Variants in MEGF8 observed in about 807,000 individuals in gnomAD.
The protein encoded by MEGF8 is multiple epidermal growth factor-like domains protein 8.
Under a neutral mutation model 302.9 loss-of-function variants are expected in MEGF8, and 156 were observed. The observed-to-expected ratio is 0.52, with a 90% CI of 0.45 to 0.59. The LOEUF (loss-of-function observed/expected upper bound fraction) is 0.59. Among genes scored for constraint, MEGF8 ranks in the 20% least tolerant of loss-of-function variants. The pLI, the probability that MEGF8 is intolerant of heterozygous loss-of-function variation, is 0.00. For missense variants in MEGF8, 3,345 were observed against 3,964.5 expected (o/e 0.84, Z 4.20); for synonymous variants, 1,621 against 1,660.5 (o/e 0.98, Z 0.58).
At chr19:42,362,862 G>C (rs2039552659) in intron 34 of MEGF8, among the ~76,000 whole-genome samples, 186 bp from the exon 35 acceptor site, 2 of 146,910 alleles carry the variant, frequency 1.4e-5, no homozygotes, top group South Asian at 4.4e-4. Flanking sequence ...TGGGGGCCTG[G>C]ACTCCTGGGT....
In MEGF8 at chr19:42,334,910, C is replaced by T. The variant is rs1214681525; in HGVS notation, c.559-125C>T. 4.4e-6 allele frequency: 4 copies of T among 916,592 alleles called. No individual in the cohort carries two copies. The African/African-American group carries it at 6.7e-5, about 15-fold the overall frequency. 56.8% of individuals were successfully genotyped at this position (916,592 alleles called of 1,614,324 possible). On this transcript the variant is annotated intron_variant, in intron 3 of 41. Coordinates refer to ENST00000251268, the MANE Select transcript of MEGF8 (RefSeq NM_001271938.2). ...TTCCATCCTCTCCCTTCCTGTCTGT[C>T]TCTTTCTCTCTCCCTTTGTGCCCTG...
intron 12 of MEGF8, among the ~76,000 whole-genome samples, chr19:42,347,586 G>T (rs890200065): frequency 6.6e-6 from 1 of 151,938 alleles, no homozygotes; most frequent in Non-Finnish European, 1.5e-5. Context: ...TCTGCCTCCC[G>T]GGTTTGAACG....
rs533625595 is a variant in MEGF8 at position 42,358,548 on chromosome 19, T to G, written c.5176-239T>G. On this transcript the variant is annotated intron_variant, in intron 29 of 41. Coordinates refer to ENST00000251268, the MANE Select transcript of MEGF8 (RefSeq NM_001271938.2). The surrounding 1 kb of genome is among the most constrained non-coding windows in gnomAD (Gnocchi z 4.4). ...TCTCCCCTGAGTCTTGGTGCGGCCC[T>G]GGCAGGCCCCTTCCCCGTCCTGGGT... Among the ~76,000 whole-genome samples, 1 of 152,318 alleles carries G rather than the reference T, an allele frequency of 6.6e-6. No homozygotes were observed. Among genetic ancestry groups the G allele is most frequent in the South Asian group, 2.1e-4 (1 of 4,834 alleles).
rs766680466 is a variant in MEGF8 at position 42,375,767 on chromosome 19, C to T, written c.7530C>T (p.Thr2510=). The T allele has an allele frequency of 9.9e-6, 16 of 1,613,068 alleles. No individual in the cohort carries two copies. The highest frequency in any genetic ancestry group is 1.4e-5 in the Non-Finnish European group (16 of 1,179,814). ...TCTATGTCTCCACCTCCTATGACACCTTCGTGGTCCGTGTGGCCCCTGACA... is the reference window on the plus strand; with the variant it reads ...TCTATGTCTCCACCTCCTATGACACTTTCGTGGTCCGTGTGGCCCCTGACA... ...VDLYVSTSYD[T]FVVRVAPDTG... The change falls in exon 42 of 42, where the codon ACC becomes ACT. Residue 2510 remains threonine, a synonymous_variant. Transcript: ENST00000251268. This position sits in a 1 kb window ranked among gnomAD's most constrained non-coding sequence, Gnocchi z 7.1.
At position 42,370,846 on chromosome 19, in the gene MEGF8, G is replaced by GT; in HGVS notation, c.7136+15_7136+16insT. 2 of 105,024 alleles carry GT rather than the reference G, an allele frequency of 1.9e-5. No individual in the cohort carries two copies. The highest frequency in any genetic ancestry group is 1.1e-4 in the South Asian group (2 of 18,204). The allele number at this position is 105,024 out of a possible 1,614,324, so 6.5% of individuals were successfully genotyped here. A position where few individuals can be genotyped will look rare whatever the true frequency, so the allele number is the denominator to read the frequency against. ...AAGTGCACCAAGTAAGAGGAACCGG[G>GT]GGGGGGGGGGGGGGGGGGGGGGGGG... On this transcript the variant is annotated intron_variant, in intron 40 of 41. Coordinates refer to ENST00000251268, the MANE Select transcript of MEGF8 (RefSeq NM_001271938.2).
Position 42,356,331 on chromosome 19 carries a change from C to G in MEGF8, c.4504-4C>G, listed in dbSNP as rs1161484099. Reference sequence around the variant, plus strand: ...TGATCCCCAATGTCCGCACCCACCCCTAGGACACTGCCAGCCGCTTCCTGC... The same window carrying G: ...TGATCCCCAATGTCCGCACCCACCCGTAGGACACTGCCAGCCGCTTCCTGC... On this transcript the variant is annotated splice_region_variant and splice_polypyrimidine_tract_variant and intron_variant, in intron 25 of 41. Transcript: ENST00000251268. This position sits in a 1 kb window ranked among gnomAD's most constrained non-coding sequence, Gnocchi z 5.2. The G allele has an allele frequency of 6.2e-7, 1 of 1,610,690 alleles. No homozygotes were observed. The highest frequency in any genetic ancestry group is 8.5e-7 in the Non-Finnish European group (1 of 1,178,860).
intron 2 of MEGF8, 103 bp downstream of exon 2, chr19:42,333,871 A>T: frequency 6.5e-7 from 1 of 1,543,326 alleles, no homozygotes; most frequent in Non-Finnish European, 8.8e-7. Context: ...GCACAGGGAC[A>T]AGGGAAGGTG....
At chr19:42,370,127 C>T in intron 38 of MEGF8, 62 bp from the exon 39 acceptor site, 1 of 1,538,046 alleles carries the variant, frequency 6.5e-7, no homozygotes, top group Non-Finnish European at 8.7e-7. Context: ...CCTGTGCCCC[C>T]AACGCCCTCC....
chr19:42,363,216 C>A lies in MEGF8; in HGVS notation c.6227C>A (p.Ala2076Glu). 6.2e-7 allele frequency: 1 copy of A among 1,610,542 alleles called. No individual in the cohort carries two copies. The highest frequency in any genetic ancestry group is 8.5e-7 in the Non-Finnish European group (1 of 1,178,568). ...ACCTCCTGCCTGGACTCTAAGGGAG[C>A]AGATGGGGGCTGGCAGCACTGTGTT... ...NCTSCLDSKG[A>E]DGGWQHCVWS... is the part of the protein sequence containing the mutation. The change falls in exon 35 of 42, where the codon GCA (alanine) becomes GAA (glutamate). Residue 2076 changes from alanine (A) to glutamate (E), a missense_variant. Transcript: ENST00000251268.
At chr19:42,365,324 G>T (rs1019265474) in intron 35 of MEGF8, among the ~76,000 whole-genome samples, 3 of 152,114 alleles carry the variant, frequency 2.0e-5, no homozygotes, top group African/African-American at 7.2e-5. Flanking sequence ...AGATGGGGGA[G>T]TGGCCAGGAG....
At chr19:42,362,915 G>C in intron 34 of MEGF8, 133 bp from the exon 35 acceptor site, 1 of 808,478 alleles carries the variant, frequency 1.2e-6, no homozygotes, top group Non-Finnish European at 2.0e-6. Context: ...TGGGTCTGAG[G>C]GAGGAGGGGC....
In MEGF8 at chr19:42,368,777, G is replaced by C. The variant is rs2039643620; in HGVS notation, c.6482-66G>C. 1.3e-6 allele frequency: 2 copies of C among 1,574,868 alleles called. No individual in the cohort carries two copies. Among genetic ancestry groups the C allele is most frequent in the Non-Finnish European group, 1.7e-6 (2 of 1,159,612 alleles). On this transcript the variant is annotated intron_variant, in intron 36 of 41. Transcript: ENST00000251268. This position sits in a 1 kb window ranked among gnomAD's most constrained non-coding sequence, Gnocchi z 4.9. ...GGTGGGGCTCAGAGGAGGCAGGAGG[G>C]AGGGCCTAGGCAACTGGGGCAGGTG...
intron 33 of MEGF8, 33 bp downstream of exon 33, chr19:42,362,246 G>C: frequency 6.2e-7 from 1 of 1,609,760 alleles, no homozygotes; most frequent in African/African-American, 1.3e-5. Flanking sequence ...ATGAGAAGCA[G>C]CAGGTGTAGG....
chr19:42,334,413 G>A (rs1366922867), intron 3 of MEGF8, among the ~76,000 whole-genome samples, 200 bp downstream of exon 3: 1 of 151,410 alleles, frequency 6.6e-6, no homozygotes, highest in Non-Finnish European at 1.5e-5. Flanking sequence ...CACCTGCAGG[G>A]CCTCCCCTGC....
chr19:42,358,382 C>T lies in MEGF8; in HGVS notation c.5175+75C>T. On this transcript the variant is annotated intron_variant, in intron 29 of 41. Coordinates refer to ENST00000251268, the MANE Select transcript of MEGF8 (RefSeq NM_001271938.2). This position sits in a 1 kb window ranked among gnomAD's most constrained non-coding sequence, Gnocchi z 4.4. ...GTCCTCTTTCCCAGTGCCCCAGGGACTGGCTCCATCCCAGATTCCTGCTTC... is the reference window on the plus strand; with the variant it reads ...GTCCTCTTTCCCAGTGCCCCAGGGATTGGCTCCATCCCAGATTCCTGCTTC... 6.7e-7 allele frequency: 1 copy of T among 1,487,030 alleles called. No homozygotes were observed. The highest frequency in any genetic ancestry group is 9.0e-7 in the Non-Finnish European group (1 of 1,116,380). 92.1% of individuals were successfully genotyped at this position (1,487,030 alleles called of 1,614,324 possible). A position where few individuals can be genotyped will look rare whatever the true frequency, so the allele number is the denominator to read the frequency against.
At chr19:42,328,749 G>A (rs1474500232) in intron 1 of MEGF8, among the ~76,000 whole-genome samples, 1 of 151,822 alleles carries the variant, frequency 6.6e-6, no homozygotes, top group Non-Finnish European at 1.5e-5. Context: ...CAGCCTGGCC[G>A]ACATGAAGAA....
In MEGF8 at chr19:42,351,718, G is replaced by A. The variant is rs913793350; in HGVS notation, c.3058G>A (p.Glu1020Lys). 6.3e-7 allele frequency: 1 copy of A among 1,594,560 alleles called. No homozygotes were observed. Among genetic ancestry groups the A allele is most frequent in the Non-Finnish European group, 8.5e-7 (1 of 1,171,000 alleles). The change falls in exon 18 of 42, where the codon GAG becomes AAG. Residue 1020 changes from glutamate (E) to lysine (K), a missense_variant. By Grantham distance (56) the Glu-to-Lys change is moderately conservative. Coordinates refer to ENST00000251268, the MANE Select transcript of MEGF8 (RefSeq NM_001271938.2). The surrounding 1 kb of genome is among the most constrained non-coding windows in gnomAD (Gnocchi z 5.6). Reference protein sequence around the residue: ...LTCHECLQSHECGWCGNEDNP... With the variant: ...LTCHECLQSHKCGWCGNEDNP... ...CTGCCATGAGTGTCTGCAGAGCCAC[G>A]AGTGTGGCTGGTGTGGCAATGAGGA...
chr19:42,336,397 C>T lies in MEGF8; in HGVS notation c.1244+51C>T. The T allele has an allele frequency of 2.7e-6, 4 of 1,502,726 alleles. No individual in the cohort carries two copies. The highest frequency in any genetic ancestry group is 3.6e-6 in the Non-Finnish European group (4 of 1,125,574). The allele number at this position is 1,502,726 out of a possible 1,614,324, so 93.1% of individuals were successfully genotyped here. A position where few individuals can be genotyped will look rare whatever the true frequency, so the allele number is the denominator to read the frequency against. On this transcript the variant is annotated intron_variant, in intron 6 of 41. Coordinates refer to ENST00000251268, the MANE Select transcript of MEGF8 (RefSeq NM_001271938.2). The surrounding 1 kb of genome is among the most constrained non-coding windows in gnomAD (Gnocchi z 4.8). Reference sequence around the variant, plus strand: ...GCTCCACAGGCCAGGCCCAGCTCAACACCATAGGCCTTTAGTCTTTAGAGG... The same window carrying T: ...GCTCCACAGGCCAGGCCCAGCTCAATACCATAGGCCTTTAGTCTTTAGAGG...
At position 42,357,128 on chromosome 19, in the gene MEGF8, C is replaced by G. The variant is rs2039463983; in HGVS notation, c.4830+147C>G. 2.1e-6 allele frequency: 2 copies of G among 949,214 alleles called. No homozygotes were observed. Among genetic ancestry groups the G allele is most frequent in the Non-Finnish European group, 3.1e-6 (2 of 650,094 alleles). 58.8% of individuals were successfully genotyped at this position (949,214 alleles called of 1,614,324 possible). On this transcript the variant is annotated intron_variant, in intron 27 of 41. Coordinates refer to ENST00000251268, the MANE Select transcript of MEGF8 (RefSeq NM_001271938.2). This position sits in a 1 kb window ranked among gnomAD's most constrained non-coding sequence, Gnocchi z 5.2. ...GGCCATCCTGGGTCACACTGTTGTC[C>G]TGAGCCAGTCCTGGGCTGGGACACA...
Sources: allele counts gnomAD v4.1 joint callset (sites outside exome capture counted in the v4.1 genomes callset), GRCh38; gene constraint gnomAD v4.1.1; non-coding constraint Gnocchi (gnomAD v3.1); transcripts MANE v1.5; gene names NCBI Gene and HGNC (gene_info 2026-07-23, HGNC 2026-07-21).